Variants in CD84 observed in about 807,000 individuals in gnomAD.
CD84 encodes SLAM family member 5.
Under a neutral mutation model 33.8 loss-of-function variants are expected in CD84, and 22 were observed. The observed-to-expected ratio is 0.65, with a 90% CI of 0.46 to 0.93. The LOEUF (loss-of-function observed/expected upper bound fraction) is 0.93. Among genes scored for constraint, CD84 ranks in the 40% least tolerant of loss-of-function variants. The pLI, the probability that CD84 is intolerant of heterozygous loss-of-function variation, is 0.00. For synonymous variants in CD84, 154 were observed against 145.2 expected (o/e 1.06, Z -0.44); for missense variants, 400 against 397.6 (o/e 1.01, Z -0.05).
intron 2 of CD84, among the ~76,000 whole-genome samples, chr1:160,557,365 C>T (rs764298711): frequency 2.0e-5 from 3 of 152,204 alleles, no homozygotes; most frequent in African/African-American, 7.2e-5. Context: ...TCTTTTTCAA[C>T]AAATACTTCT....
At chr1:160,565,159 T>C (rs765355792) in intron 2 of CD84, among the ~76,000 whole-genome samples, 11 of 151,568 alleles carry the variant, frequency 7.3e-5, no homozygotes, top group Non-Finnish European at 1.6e-4. Context: ...ATTGACATTA[T>C]GTAAAAAAGA....
chr1:160,578,117 A>G (rs963398608), intron 1 of CD84, among the ~76,000 whole-genome samples: 2 of 152,178 alleles, frequency 1.3e-5, no homozygotes, highest in African/African-American at 4.8e-5. Context: ...GTGAAATTTC[A>G]GGTGAATTTT....
intron 1 of CD84, chr1:160,571,541 T>G (rs1488263740): frequency 6.6e-6 from 1 of 152,274 alleles, no homozygotes; most frequent in East Asian, 1.9e-4. Flanking sequence ...TCTAGGGGAC[T>G]GACAGAGTAG....
At chr1:160,556,492 G>C (rs1656617136) in intron 2 of CD84, among the ~76,000 whole-genome samples, 1 of 152,218 alleles carries the variant, frequency 6.6e-6, no homozygotes, top group South Asian at 2.1e-4. Context: ...CTATCTGTCT[G>C]TCTATGCTGG....
intron 4 of CD84, chr1:160,552,931 G>A (rs113297929): frequency 5.0e-6 from 3 of 601,248 alleles, no homozygotes; most frequent in South Asian, 2.0e-5. Context: ...TGATCCAGAG[G>A]GATTCAGAGG....
rs1655620251 is a variant in CD84 at position 160,543,005 on chromosome 1, G to A, written c.*5251C>T. On this transcript the variant is annotated 3_prime_UTR_variant, in exon 7 of 7. Coordinates refer to ENST00000368054, the MANE Select transcript of CD84 (RefSeq NM_003874.4). ...GTTATTTTTGTGATTTTTAGTAGTG[G>A]AAATTTACAGTTTCTCTTATTTTAT... 1 of 151,928 alleles carries A rather than the reference G, an allele frequency of 6.6e-6. No homozygotes were observed. The highest frequency in any genetic ancestry group is 2.4e-5 in the African/African-American group (1 of 41,326). The allele number at this position is 151,928 out of a possible 1,614,324, so 9.4% of individuals were successfully genotyped here. A position where few individuals can be genotyped will look rare whatever the true frequency, so the allele number is the denominator to read the frequency against.
At chr1:160,564,206 A>G (rs1657175279) in intron 2 of CD84, among the ~76,000 whole-genome samples, 1 of 152,174 alleles carries the variant, frequency 6.6e-6, no homozygotes, top group Non-Finnish European at 1.5e-5. Context: ...TGCATTAACT[A>G]CTAGAAATTC....
rs574296319 is a variant in CD84, at chr1:160,558,659, G to C, written c.389-4513C>G. ...TGAGATGGCTGCATTGACAGAAGTAGGCTTCAGAAGGTGGGTAATAACAAA... is the reference window on the plus strand; with the variant it reads ...TGAGATGGCTGCATTGACAGAAGTACGCTTCAGAAGGTGGGTAATAACAAA... On this transcript the variant is annotated intron_variant, in intron 2 of 6. Coordinates refer to ENST00000368054, the MANE Select transcript of CD84 (RefSeq NM_003874.4). Among the ~76,000 whole-genome samples, 599 of 152,316 alleles carry C rather than the reference G, an allele frequency of 3.9e-3. 1 individual carries two copies. The highest frequency in any genetic ancestry group is 6.0e-3 in the Non-Finnish European group (406 of 68,036).
rs1247247614 is a variant in CD84, at chr1:160,543,542, C to A, written c.*4714G>T. The A allele has an allele frequency of 6.6e-6, 1 of 151,620 alleles. No homozygotes were observed. The highest frequency in any genetic ancestry group is 1.5e-5 in the Non-Finnish European group (1 of 67,906). The allele number at this position is 151,620 out of a possible 1,614,324, so 9.4% of individuals were successfully genotyped here. On this transcript the variant is annotated 3_prime_UTR_variant, in exon 7 of 7. Transcript: ENST00000368054. ...AGCATCTAGTTTAGCAGTTGGTATACAAAATAAGCCCTCAATGATTCTTAC... is the reference window on the plus strand; with the variant it reads ...AGCATCTAGTTTAGCAGTTGGTATAAAAAATAAGCCCTCAATGATTCTTAC...
rs1203850304 is a variant in CD84 at position 160,543,690 on chromosome 1, T to C, written c.*4566A>G. The C allele has an allele frequency of 1.3e-5, 2 of 151,166 alleles. No individual in the cohort carries two copies. Among genetic ancestry groups the C allele is most frequent in the South Asian group, 4.2e-4 (2 of 4,808 alleles). The allele number at this position is 151,166 out of a possible 1,614,324, so 9.4% of individuals were successfully genotyped here. ...GGAGGCAGATATAGCATCAGGTAAGTAGACTGTGGTATAATAACGAGGGGA... is the reference window on the plus strand; with the variant it reads ...GGAGGCAGATATAGCATCAGGTAAGCAGACTGTGGTATAATAACGAGGGGA... On this transcript the variant is annotated 3_prime_UTR_variant, in exon 7 of 7. Transcript: ENST00000368054.
chr1:160,551,003 T>A lies in CD84; in HGVS notation c.793A>T (p.Ile265Phe). 1 of 1,614,026 alleles carries A rather than the reference T, an allele frequency of 6.2e-7. No homozygotes were observed. Among genetic ancestry groups the A allele is most frequent in the Non-Finnish European group, 8.5e-7 (1 of 1,179,866 alleles). Residue 265 changes from isoleucine to phenylalanine, a missense_variant, in exon 5 of 7, where the codon ATC becomes TTC. Physicochemically the swap from Ile to Phe is conservative, Grantham distance 21. Transcript: ENST00000368054. ...GGCTGGGTGTTCCTTGAAGCCATGA[T>A]ATATGTGTATATGGTTTTCTTTGAG... ...AASKKTIYTY[I>F]MASRNTQPAE... is the part of the protein sequence containing the mutation.
At chr1:160,556,826 T>A (rs548833223) in intron 2 of CD84, among the ~76,000 whole-genome samples, 80 of 152,348 alleles carry the variant, frequency 5.3e-4, no homozygotes, top group African/African-American at 1.9e-3. Flanking sequence ...TTCTGAAGAT[T>A]GGGTAGGCAA....
chr1:160,552,650 G>A, intron 4 of CD84: 1 of 1,259,254 alleles, frequency 7.9e-7, no homozygotes, highest in Non-Finnish European at 1.1e-6. Context: ...ACTCTGTTGG[G>A]AACTCCCCAT....
chr1:160,549,853 C>T (rs1656081630), intron 6 of CD84, 64 bp downstream of exon 6: 2 of 1,216,232 alleles, frequency 1.6e-6, no homozygotes, highest in African/African-American at 1.5e-5. Flanking sequence ...GTTGGATGGA[C>T]CGGGTGCACC....
intron 2 of CD84, among the ~76,000 whole-genome samples, chr1:160,561,734 C>G (rs943881725): frequency 1.3e-5 from 2 of 152,096 alleles, no homozygotes; most frequent in Non-Finnish European, 2.9e-5. Context: ...TCTCCGTTTG[C>G]AGATGACATG....
intron 1 of CD84, among the ~76,000 whole-genome samples, chr1:160,570,246 G>A (rs901510808): frequency 2.0e-5 from 3 of 152,170 alleles, no homozygotes; most frequent in Non-Finnish European, 4.4e-5. Flanking sequence ...AGTCAAAGGG[G>A]GAAGAAAGTT....
chr1:160,556,250 C>A (rs1656598091), intron 2 of CD84, among the ~76,000 whole-genome samples: 1 of 152,166 alleles, frequency 6.6e-6, no homozygotes, highest in Non-Finnish European at 1.5e-5. Flanking sequence ...GCCGACAGAT[C>A]TTCATCCTCC....
intron 5 of CD84, 86 bp downstream of exon 5, chr1:160,550,852 C>A: frequency 3.1e-6 from 5 of 1,592,054 alleles, no homozygotes; most frequent in Non-Finnish European, 4.3e-6. Flanking sequence ...GCTTTCTAGA[C>A]AACAACAAGC....
chr1:160,547,190 T>C lies in CD84; in HGVS notation c.*1066A>G. 1 of 398,818 alleles carries C rather than the reference T, an allele frequency of 2.5e-6. No homozygotes were observed. 24.7% of individuals were successfully genotyped at this position (398,818 alleles called of 1,614,324 possible). On this transcript the variant is annotated 3_prime_UTR_variant, in exon 7 of 7. Transcript: ENST00000368054. ...GCTTAAACTCTAGTTCTCTGAGTCTTTGGAACTGGGATGAACCCAGTTTCA... is the reference window on the plus strand; with the variant it reads ...GCTTAAACTCTAGTTCTCTGAGTCTCTGGAACTGGGATGAACCCAGTTTCA...
Sources: gnomAD v4.1 joint callset for allele counts (sites outside exome capture counted in the v4.1 genomes callset) on GRCh38, gnomAD v4.1.1 for gene constraint, MANE v1.5 for transcripts, NCBI Gene and HGNC (gene_info 2026-07-23, HGNC 2026-07-21) for gene names.